TCF7L1: variants seen among roughly 807,000 people sequenced by gnomAD.
TCF7L1 encodes the protein transcription factor 7 like 1.
In TCF7L1, 18 loss-of-function variants were observed where a neutral mutation model predicts 63.7. The ratio of observed to expected loss-of-function variants is 0.28; its 90% CI spans 0.20 to 0.42. The LOEUF is 0.42. Ranked by LOEUF, TCF7L1 falls within the 10% of genes least tolerant of loss-of-function variation. TCF7L1 has a pLI of 1.00. For synonymous variants in TCF7L1, 355 were observed against 340.9 expected, an observed-to-expected ratio of 1.04 and a Z score of -0.46; for missense variants, 654 against 779.3, an observed-to-expected ratio of 0.84 and a Z score of 1.91.
intron 3 of TCF7L1, among the ~76,000 whole-genome samples, chr2:85,193,799 G>A (rs1312389170): frequency 6.6e-6 from 1 of 152,194 alleles, no homozygotes; most frequent in Non-Finnish European, 1.5e-5. Context: ...CATCATGTGT[G>A]CATCTTACTC....
At chr2:85,232,524 A>T (rs1680106784) in intron 3 of TCF7L1, among the ~76,000 whole-genome samples, 1 of 151,842 alleles carries the variant, frequency 6.6e-6, no homozygotes, top group Non-Finnish European at 1.5e-5. Flanking sequence ...TTCCGCCAAG[A>T]CCTCTGTGAG....
At chr2:85,269,810 T>A (rs1347125359) in intron 3 of TCF7L1, among the ~76,000 whole-genome samples, 1 of 152,222 alleles carries the variant, frequency 6.6e-6, no homozygotes, top group East Asian at 1.9e-4. Flanking sequence ...CCCTGAGATA[T>A]GTAAGCCACA....
At chr2:85,153,341 T>TTTTTTTTTTTTTTTTTTG in intron 3 of TCF7L1, among the ~76,000 whole-genome samples, 1 of 32,984 alleles carries the variant, frequency 3.0e-5, no homozygotes, top group African/African-American at 1.0e-4. Flanking sequence ...CCTTTATAAA[T>TTTTTTTTTTTTTTTTTTG]TTTTTTTTTT....
chr2:85,297,759 T>TG (rs1362738635), intron 4 of TCF7L1, among the ~76,000 whole-genome samples: 1 of 151,946 alleles, frequency 6.6e-6, no homozygotes. Flanking sequence ...CACTCCAGCC[T>TG]GGGGGGACAC....
chr2:85,279,893 A>G lies in TCF7L1; in HGVS notation c.442-3602A>G, dbSNP rs111648436. Among the ~76,000 whole-genome samples, 258 of 152,292 alleles carry G rather than the reference A, an allele frequency of 1.7e-3. 1 individual carries two copies. Among genetic ancestry groups the G allele is most frequent in the African/African-American group, 5.8e-3 (243 of 41,546 alleles). On this transcript the variant is annotated intron_variant, in intron 3 of 11. Coordinates refer to ENST00000282111, the MANE Select transcript of TCF7L1 (RefSeq NM_031283.3). The stretch of plus-strand genomic sequence containing the variant: ...CTGACTTGTCTGTAAGGGGCCAGGT[A>G]TCAGTGGTAGGCACGACCAGTGTGG...
chr2:85,240,106 G>C (rs375110586), intron 3 of TCF7L1, among the ~76,000 whole-genome samples: 4 of 152,120 alleles, frequency 2.6e-5, no homozygotes, highest in African/African-American at 7.2e-5. Flanking sequence ...TTCTTTTCTC[G>C]TACTGAGTGT....
chr2:85,162,601 C>G (rs1363601582), intron 3 of TCF7L1, among the ~76,000 whole-genome samples: 2 of 152,136 alleles, frequency 1.3e-5, no homozygotes, highest in African/African-American at 4.8e-5. Context: ...TTCTTTAGTC[C>G]CCATGGAAGA....
intron 3 of TCF7L1, among the ~76,000 whole-genome samples, chr2:85,267,469 G>A (rs1002693039): frequency 4.0e-5 from 6 of 151,830 alleles, no homozygotes; most frequent in African/African-American, 1.5e-4. Context: ...GGCCAACATG[G>A]TGAACCCCTG....
intron 3 of TCF7L1, among the ~76,000 whole-genome samples, chr2:85,261,127 T>G (rs774175062): frequency 0.062 from 3,969 of 63,972 alleles, 79 homozygotes; most frequent in Non-Finnish European, 0.081. Flanking sequence ...ATTGCTGGTG[T>G]GTGTGTGTGT....
At chr2:85,190,295 G>A (rs567871862) in intron 3 of TCF7L1, among the ~76,000 whole-genome samples, 1 of 152,320 alleles carries the variant, frequency 6.6e-6, no homozygotes, top group East Asian at 1.9e-4. Flanking sequence ...TTAGGTCAAG[G>A]AGAGTAGACT....
chr2:85,168,439 G>A (rs1342984195), intron 3 of TCF7L1, among the ~76,000 whole-genome samples: 4 of 152,118 alleles, frequency 2.6e-5, no homozygotes, highest in Non-Finnish European at 1.5e-5. Flanking sequence ...GGGTAGGGGT[G>A]GTTTAACCAG....
Position 85,134,178 on chromosome 2 carries a change from C to G in TCF7L1, c.313+99C>G. 1.3e-6 allele frequency: 2 copies of G among 1,526,076 alleles called. No individual in the cohort carries two copies. The highest frequency in any genetic ancestry group is 1.8e-6 in the Non-Finnish European group (2 of 1,132,946). 94.5% of individuals were successfully genotyped at this position (1,526,076 alleles called of 1,614,324 possible). On this transcript the variant is annotated intron_variant, in intron 2 of 11. Coordinates refer to ENST00000282111, the MANE Select transcript of TCF7L1 (RefSeq NM_031283.3). The surrounding 1 kb of genome is among the most constrained non-coding windows in gnomAD (Gnocchi z 5.0). ...GTCCCCCTTGCTTGGGTGGACGCAC[C>G]CTTGCCCTCCGCCTTTATTGGCGGC... is the stretch of plus-strand genomic sequence containing the variant.
intron 3 of TCF7L1, among the ~76,000 whole-genome samples, chr2:85,214,980 C>T (rs905400756): frequency 6.6e-6 from 1 of 152,136 alleles, no homozygotes; most frequent in African/African-American, 2.4e-5. Flanking sequence ...CACCAGCCAG[C>T]TATGGAGAGT....
chr2:85,257,467 A>T (rs1680744319), intron 3 of TCF7L1, among the ~76,000 whole-genome samples: 1 of 152,194 alleles, frequency 6.6e-6, no homozygotes, highest in Admixed American at 6.5e-5. Context: ...ATGAAGTTGC[A>T]CAGCAGCCAG....
chr2:85,148,933 C>T (rs1357872042), intron 3 of TCF7L1, among the ~76,000 whole-genome samples: 3 of 152,062 alleles, frequency 2.0e-5, no homozygotes, highest in Non-Finnish European at 4.4e-5. Flanking sequence ...CGCCTGCCAC[C>T]ACACCCAGCT....
intron 3 of TCF7L1, among the ~76,000 whole-genome samples, chr2:85,268,609 T>A (rs1367679599): frequency 6.6e-6 from 1 of 150,956 alleles, no homozygotes; most frequent in Non-Finnish European, 1.5e-5. Flanking sequence ...GCCCGGCTAG[T>A]TTTTGTACTT....
In TCF7L1 at chr2:85,203,983, G is replaced by A. The variant is rs1679336302; in HGVS notation, c.441+69533G>A. 2.0e-5 allele frequency among the ~76,000 whole-genome samples: 3 copies of A among 152,060 alleles called. No individual in the cohort carries two copies. In the South Asian group the frequency reaches 6.2e-4, roughly 32 times the overall value. On this transcript the variant is annotated intron_variant, in intron 3 of 11. Transcript: ENST00000282111. Reference sequence around the variant, plus strand: ...TACAGGGAGGGGCGGTTTGGAAGGGGGAGTTAGATCCCTACCTCATGCCAC... The same window carrying A: ...TACAGGGAGGGGCGGTTTGGAAGGGAGAGTTAGATCCCTACCTCATGCCAC...
At chr2:85,193,970 A>T (rs529924911) in intron 3 of TCF7L1, among the ~76,000 whole-genome samples, 86 of 134,932 alleles carry the variant, frequency 6.4e-4, no homozygotes, top group African/African-American at 1.7e-3. Context: ...TAAAAGTTTA[A>T]AAAAAAAAAG....
intron 3 of TCF7L1, among the ~76,000 whole-genome samples, chr2:85,212,815 T>C (rs960172878): frequency 1.3e-5 from 2 of 152,056 alleles, no homozygotes; most frequent in African/African-American, 4.8e-5. Context: ...TTCAGGACGG[T>C]GAGACGAACC....
Sources: allele counts gnomAD v4.1 joint callset (sites outside exome capture counted in the v4.1 genomes callset), GRCh38; gene constraint gnomAD v4.1.1; non-coding constraint Gnocchi (gnomAD v3.1); transcripts MANE v1.5; gene names NCBI Gene and HGNC (gene_info 2026-07-23, HGNC 2026-07-21).